EGFLAM: variants seen among roughly 807,000 people sequenced by gnomAD.
EGFLAM encodes the protein EGF like, fibronectin type III and laminin G domains, also known as pikachurin.
Under a neutral mutation model 113.1 loss-of-function variants are expected in EGFLAM, and 79 were observed. The observed-to-expected ratio is 0.70, with a 90% CI of 0.58 to 0.84. EGFLAM has a LOEUF of 0.84. Ranked by LOEUF, EGFLAM falls within the 40% of genes least tolerant of loss-of-function variation. The pLI is 0.00. For missense variants in EGFLAM, 1,265 were observed against 1,291.6 expected (o/e 0.98, Z 0.32); for synonymous variants, 504 against 487.6 (o/e 1.03, Z -0.44).
At chr5:38,288,643 A>G (rs1013214768) in intron 1 of EGFLAM, among the ~76,000 whole-genome samples, 1 of 152,212 alleles carries the variant, frequency 6.6e-6, no homozygotes, top group African/African-American at 2.4e-5. Context: ...GAGAAGTGGT[A>G]TTGTTCAGTT....
intron 1 of EGFLAM, among the ~76,000 whole-genome samples, chr5:38,276,765 A>G (rs1757897993): frequency 6.6e-6 from 1 of 152,174 alleles, no homozygotes; most frequent in South Asian, 2.1e-4. Context: ...AAACACAAAG[A>G]TCACAAGAGA....
intron 1 of EGFLAM, among the ~76,000 whole-genome samples, chr5:38,311,322 A>G (rs1431483883): frequency 6.6e-6 from 1 of 152,080 alleles, no homozygotes; most frequent in Non-Finnish European, 1.5e-5. Context: ...TCTAACTGAA[A>G]TTTTGTATCC....
At chr5:38,279,922 G>T (rs565467606) in intron 1 of EGFLAM, among the ~76,000 whole-genome samples, 31 of 152,168 alleles carry the variant, frequency 2.0e-4, no homozygotes, top group African/African-American at 7.2e-4. Flanking sequence ...TAACTAGCTA[G>T]ATTTAACCGT....
chr5:38,448,562 C>CA (rs1470240461), intron 18 of EGFLAM, 183 bp downstream of exon 18: 2 of 630,222 alleles, frequency 3.2e-6, no homozygotes, highest in Non-Finnish European at 5.4e-6. Flanking sequence ...CAAAATAAAA[C>CA]AAAAAACAAA....
At chr5:38,445,474 G>A in intron 17 of EGFLAM, 1 of 1,436,556 alleles carries the variant, frequency 7.0e-7, no homozygotes, top group East Asian at 2.5e-5. Flanking sequence ...GTGGCTGGGT[G>A]CCAATCATGC....
At chr5:38,440,565 A>G (rs1320781510) in intron 17 of EGFLAM, among the ~76,000 whole-genome samples, 1 of 152,236 alleles carries the variant, frequency 6.6e-6, no homozygotes, top group Non-Finnish European at 1.5e-5. Context: ...GAGAATACAT[A>G]GAAAGTTTGC....
chr5:38,310,174 A>G lies in EGFLAM; in HGVS notation c.98-27346A>G, dbSNP rs115205006. Among the ~76,000 whole-genome samples, 576 of 152,298 alleles carry G rather than the reference A, an allele frequency of 3.8e-3. 4 individuals carry two copies. Among genetic ancestry groups the G allele is most frequent in the African/African-American group, 0.013 (555 of 41,542 alleles). On this transcript the variant is annotated intron_variant, in intron 1 of 21. Transcript: ENST00000322350. The stretch of plus-strand genomic sequence containing the variant: ...GTTTTTCTAGCTGGTAATCCTCCAA[A>G]TCCCCAAACAGTATAATCTTTCCTC...
chr5:38,371,297 T>G (rs901385621), intron 6 of EGFLAM, among the ~76,000 whole-genome samples: 1 of 152,188 alleles, frequency 6.6e-6, no homozygotes, highest in Non-Finnish European at 1.5e-5. Context: ...GCTGCTCCTT[T>G]GGGTCCTCTT....
intron 3 of EGFLAM, 84 bp downstream of exon 3, chr5:38,338,865 T>C: frequency 9.4e-7 from 1 of 1,058,328 alleles, no homozygotes; most frequent in Non-Finnish European, 1.4e-6. Context: ...TGTGCTACTG[T>C]ACATGTAATA....
At chr5:38,338,045 A>G (rs970588413) in intron 2 of EGFLAM, among the ~76,000 whole-genome samples, 1 of 152,232 alleles carries the variant, frequency 6.6e-6, no homozygotes, top group African/African-American at 2.4e-5. Context: ...ATGCATTCTT[A>G]TCTATCAGAG....
chr5:38,291,542 G>A (rs1203968202), intron 1 of EGFLAM, among the ~76,000 whole-genome samples: 2 of 152,122 alleles, frequency 1.3e-5, no homozygotes, highest in Non-Finnish European at 1.5e-5. Flanking sequence ...TCCTCTCCAC[G>A]TGTCTCCACG....
At chr5:38,344,794 T>A (rs138630519) in intron 3 of EGFLAM, among the ~76,000 whole-genome samples, 3 of 151,992 alleles carry the variant, frequency 2.0e-5, no homozygotes, top group Non-Finnish European at 4.4e-5. Flanking sequence ...CTCTAGCCAA[T>A]AGATGAGGAA....
intron 6 of EGFLAM, among the ~76,000 whole-genome samples, chr5:38,372,486 A>T (rs1740250303): frequency 6.6e-6 from 1 of 152,146 alleles, no homozygotes. Flanking sequence ...TAACGGAAAC[A>T]CTGATCTGGT....
intron 3 of EGFLAM, among the ~76,000 whole-genome samples, chr5:38,341,022 G>A (rs16903941): frequency 0.027 from 4,100 of 152,202 alleles, 194 homozygotes; most frequent in African/African-American, 0.095. Context: ...CAACAAAACA[G>A]CTGCTTAACC....
intron 20 of EGFLAM, among the ~76,000 whole-genome samples, chr5:38,461,610 A>G (rs934589043): frequency 6.6e-6 from 1 of 152,102 alleles, no homozygotes; most frequent in African/African-American, 2.4e-5. Context: ...CACTTCCCAA[A>G]TGGGAAGTTT....
intron 12 of EGFLAM, among the ~76,000 whole-genome samples, chr5:38,423,494 T>G (rs1176808061): frequency 6.6e-6 from 1 of 152,210 alleles, no homozygotes; most frequent in Non-Finnish European, 1.5e-5. Context: ...TGTAATCCTT[T>G]TCTGTACATC....
In EGFLAM at chr5:38,364,120, C is replaced by T. The variant is rs553989393; in HGVS notation, c.546-6176C>T. Among the ~76,000 whole-genome samples the T allele has an allele frequency of 2.4e-4, 37 of 152,278 alleles. 1 individual carries two copies. The South Asian group carries it at 7.5e-3, about 31-fold the overall frequency. ...AGCTCAATCACCCTTTATTGGATAC[C>T]TCCTATGAGCATATGTTCATACAAA... On this transcript the variant is annotated intron_variant, in intron 5 of 21. Coordinates refer to ENST00000322350, the MANE Select transcript of EGFLAM (RefSeq NM_152403.4).
chr5:38,267,242 CA>C (rs1360996640), intron 1 of EGFLAM, among the ~76,000 whole-genome samples: 1 of 152,146 alleles, frequency 6.6e-6, no homozygotes, highest in Non-Finnish European at 1.5e-5. Context: ...CCCAAAATCC[CA>C]AATCAGATTT....
At chr5:38,413,443 G>A (rs2112148176) in intron 11 of EGFLAM, among the ~76,000 whole-genome samples, 1 of 151,930 alleles carries the variant, frequency 6.6e-6, no homozygotes, top group South Asian at 2.1e-4. Context: ...GCAGGAATAA[G>A]CTGTTCATCT....
Sources: gnomAD v4.1 joint callset for allele counts (sites outside exome capture counted in the v4.1 genomes callset) on GRCh38, gnomAD v4.1.1 for gene constraint, MANE v1.5 for transcripts, NCBI Gene and HGNC (gene_info 2026-07-23, HGNC 2026-07-21) for gene names.